Variants in PTPRD observed in about 807,000 individuals in gnomAD.
PTPRD encodes protein tyrosine phosphatase receptor type D.
PTPRD carries 34 observed loss-of-function variants against 214.5 expected under a neutral mutation model. The observed-to-expected ratio is 0.16, with a 90% CI of 0.12 to 0.21. The LOEUF (loss-of-function observed/expected upper bound fraction) is 0.21, where lower values mean the gene tolerates loss of function less well. Among genes scored for constraint, PTPRD ranks in the 10% least tolerant of loss-of-function variants. The pLI, the probability that PTPRD is intolerant of heterozygous loss-of-function variation, is 1.00. For synonymous variants in PTPRD, 1,128 were observed against 845.7 expected (o/e 1.33, Z -5.79); for missense variants, 2,545 against 2,398.7 (o/e 1.06, Z -1.27).
intron 2 of PTPRD, among the ~76,000 whole-genome samples, chr9:10,448,068 G>T (rs1192907730): frequency 1.3e-5 from 2 of 151,866 alleles, no homozygotes; most frequent in Non-Finnish European, 2.9e-5. Context: ...TTTTAGTTGA[G>T]GAAACTGAGC....
intron 10 of PTPRD, among the ~76,000 whole-genome samples, chr9:9,058,442 G>GTTTTTTTTTTTTT (rs777910266): frequency 0.035 from 2,451 of 69,868 alleles, 749 homozygotes; most frequent in Non-Finnish European, 0.047. Context: ...TATTATGAGG[G>GTTTTTTTTTTTTT]TTTTTTTTTT....
chr9:10,482,262 T>G, intron 2 of PTPRD, among the ~76,000 whole-genome samples: 2 of 151,732 alleles, frequency 1.3e-5, no homozygotes, highest in Non-Finnish European at 2.9e-5. Flanking sequence ...TCCCAGCTAC[T>G]GAGGAGGCTG....
intron 11 of PTPRD, among the ~76,000 whole-genome samples, chr9:8,767,409 A>G (rs114280096): frequency 0.047 from 7,166 of 152,048 alleles, 424 homozygotes; most frequent in African/African-American, 0.14. Flanking sequence ...GAGCCACCAC[A>G]CCCGGCGTCC....
At chr9:9,259,453 C>T (rs1569565903) in intron 9 of PTPRD, among the ~76,000 whole-genome samples, 1 of 151,850 alleles carries the variant, frequency 6.6e-6, no homozygotes. Context: ...GAATGTATAC[C>T]TACATGTGTA....
chr9:9,499,116 A>C (rs777705276), intron 8 of PTPRD, among the ~76,000 whole-genome samples: 1 of 152,116 alleles, frequency 6.6e-6, no homozygotes, highest in Non-Finnish European at 1.5e-5. Flanking sequence ...ATCAACAATG[A>C]GCATAGATTG....
At chr9:9,393,243 T>C (rs1218099294) in intron 9 of PTPRD, among the ~76,000 whole-genome samples, 1 of 152,108 alleles carries the variant, frequency 6.6e-6, no homozygotes, top group Non-Finnish European at 1.5e-5. Flanking sequence ...CGTATACTTG[T>C]CATCTTTCTC....
chr9:9,843,805 G>A (rs1363193646), intron 5 of PTPRD, among the ~76,000 whole-genome samples: 2 of 151,882 alleles, frequency 1.3e-5, no homozygotes, highest in African/African-American at 2.4e-5. Context: ...TTTAAATAGA[G>A]GTACAGGAAA....
rs73644459 is a variant in PTPRD, at chr9:10,454,076, G to A, written c.-599-113059C>T. ...CCAGTTATTAATGCCCTATAATAAC[G>A]AAAGCCATCTGTCATTAGAGTCTGT... On this transcript the variant is annotated intron_variant, in intron 2 of 45. Transcript: ENST00000381196. Among the ~76,000 whole-genome samples, 793 of 151,276 alleles carry A rather than the reference G, an allele frequency of 5.2e-3. 4 individuals carry two copies. The highest frequency in any genetic ancestry group is 0.011 in the African/African-American group (440 of 41,432).
At chr9:9,464,931 T>C (rs1236151192) in intron 8 of PTPRD, among the ~76,000 whole-genome samples, 3 of 152,200 alleles carry the variant, frequency 2.0e-5, no homozygotes, top group Non-Finnish European at 4.4e-5. Flanking sequence ...GCATTGTGCA[T>C]GAAACCTCAT....
At chr9:9,754,987 A>G (rs573147400) in intron 6 of PTPRD, among the ~76,000 whole-genome samples, 15 of 152,158 alleles carry the variant, frequency 9.9e-5, no homozygotes, top group African/African-American at 3.6e-4. Flanking sequence ...ATCAAAGGAT[A>G]ATTTGCGAAT....
intron 10 of PTPRD, among the ~76,000 whole-genome samples, chr9:9,109,430 C>A (rs556220789): frequency 3.1e-4 from 47 of 152,222 alleles, no homozygotes; most frequent in African/African-American, 1.1e-3. Flanking sequence ...TGAATAAGTT[C>A]ATTGGCATCT....
intron 3 of PTPRD, among the ~76,000 whole-genome samples, chr9:10,183,638 T>G (rs1056096081): frequency 2.0e-5 from 3 of 151,986 alleles, no homozygotes; most frequent in African/African-American, 4.8e-5. Context: ...CTAGACAGCA[T>G]CTAAGGCTGG....
chr9:9,612,212 G>A (rs983448195), intron 7 of PTPRD, among the ~76,000 whole-genome samples: 10 of 151,756 alleles, frequency 6.6e-5, no homozygotes, highest in African/African-American at 9.7e-5. Flanking sequence ...CCTATCTGTA[G>A]GGGGAATAAA....
intron 2 of PTPRD, among the ~76,000 whole-genome samples, chr9:10,561,192 T>C (rs2063875550): frequency 6.6e-6 from 1 of 152,204 alleles, no homozygotes; most frequent in African/African-American, 2.4e-5. Context: ...TGTTTTAAGC[T>C]GGGTGAAACT....
At chr9:9,822,533 AG>A (rs2051159299) in intron 5 of PTPRD, among the ~76,000 whole-genome samples, 1 of 148,646 alleles carries the variant, frequency 6.7e-6, no homozygotes, top group Non-Finnish European at 1.5e-5. Context: ...TATTATATAT[AG>A]TTAAAATAAC....
rs146069422 is a variant in PTPRD, at chr9:10,403,473, C to G, written c.-599-62456G>C. ...CACCTATTAGAATTGACAAAATCCA[C>G]TGACTCAGCAAATGCTGGCCAGGAT... On this transcript the variant is annotated intron_variant, in intron 2 of 45. Transcript: ENST00000381196. Among the ~76,000 whole-genome samples, 564 of 151,400 alleles carry G rather than the reference C, an allele frequency of 3.7e-3. 8 individuals are homozygous for G. Among genetic ancestry groups the G allele is most frequent in the African/African-American group, 0.013 (529 of 41,406 alleles).
At chr9:8,355,536 A>G (rs1332322080) in intron 39 of PTPRD, among the ~76,000 whole-genome samples, 1 of 152,230 alleles carries the variant, frequency 6.6e-6, no homozygotes, top group African/African-American at 2.4e-5. Flanking sequence ...GACAGTAGAG[A>G]GGACAGGGTT....
chr9:10,257,942 C>T (rs1314778078), intron 3 of PTPRD, among the ~76,000 whole-genome samples: 4 of 151,960 alleles, frequency 2.6e-5, no homozygotes, highest in South Asian at 4.2e-4. Flanking sequence ...GAGAAGAAAG[C>T]GGGTGTGTGT....
At chr9:9,690,722 G>C (rs2097254486) in intron 7 of PTPRD, among the ~76,000 whole-genome samples, 1 of 152,002 alleles carries the variant, frequency 6.6e-6, no homozygotes, top group Admixed American at 6.6e-5. Context: ...TGAAGAGCCT[G>C]TTATTTTGCC....
Sources: gnomAD v4.1 joint callset for allele counts (sites outside exome capture counted in the v4.1 genomes callset) on GRCh38, gnomAD v4.1.1 for gene constraint, MANE v1.5 for transcripts, NCBI Gene and HGNC (gene_info 2026-07-23, HGNC 2026-07-21) for gene names.